Variants in PALLD observed in about 807,000 individuals in gnomAD.
PALLD encodes the protein palladin, cytoskeletal associated protein, also known as palladin.
Under a neutral mutation model 123.5 loss-of-function variants are expected in PALLD, and 61 were observed. The ratio of observed to expected loss-of-function variants is 0.49; its 90% confidence interval spans 0.40 to 0.61. The LOEUF (loss-of-function observed/expected upper bound fraction) is 0.61, where lower values mean the gene tolerates loss of function less well. Ranked by LOEUF, PALLD falls within the 20% of genes least tolerant of loss-of-function variation. The probability of loss-of-function intolerance (pLI) is 0.00; values close to 1 mark genes in which losing one functional copy is unlikely to be tolerated. For synonymous variants in PALLD, 465 were observed against 496.4 expected, an observed-to-expected ratio of 0.94 and a Z score of 0.84; for missense variants, 1,273 against 1,377.0, an observed-to-expected ratio of 0.92 and a Z score of 1.20.
At chr4:168,914,527 A>G (rs746656558) in intron 16 of PALLD, among the ~76,000 whole-genome samples, 1 of 152,256 alleles carries the variant, frequency 6.6e-6, no homozygotes, top group African/African-American at 2.4e-5. Flanking sequence ...TTAAATACTC[A>G]GATATCTGCT....
chr4:168,720,382 T>G (rs1215640811), intron 10 of PALLD, among the ~76,000 whole-genome samples: 1 of 152,228 alleles, frequency 6.6e-6, no homozygotes, highest in Non-Finnish European at 1.5e-5. Flanking sequence ...GTGATTTTCA[T>G]TATCCTCGAA....
intron 2 of PALLD, among the ~76,000 whole-genome samples, chr4:168,632,576 C>T (rs1039549401): frequency 2.2e-4 from 34 of 152,192 alleles, no homozygotes; most frequent in Non-Finnish European, 4.3e-4. Flanking sequence ...TCCCGGTTCT[C>T]CTCTCCCTTT....
intron 2 of PALLD, among the ~76,000 whole-genome samples, chr4:168,636,596 G>A (rs547241750): frequency 6.6e-6 from 1 of 152,152 alleles, no homozygotes; most frequent in Non-Finnish European, 1.5e-5. Context: ...CTCCTCATTT[G>A]CAAAAATGAG....
rs896954496 is a variant in PALLD at position 168,612,606 on chromosome 4, C to T, written c.909-55584C>T. On this transcript the variant is annotated intron_variant, in intron 2 of 21. Coordinates refer to ENST00000505667, the MANE Select transcript of PALLD (RefSeq NM_001166108.2). ...GTCGAAAATCTGGGACATTTGCCCC[C>T]AAACGTAAGGTGAATTAAACCAGAC... 2.0e-5 allele frequency among the ~76,000 whole-genome samples: 3 copies of T among 152,096 alleles called. 1 individual carries two copies.
At chr4:168,546,634 C>T (rs1303879153) in intron 2 of PALLD, among the ~76,000 whole-genome samples, 5 of 152,096 alleles carry the variant, frequency 3.3e-5, no homozygotes, top group African/African-American at 4.8e-5. Context: ...CCATAGGTGC[C>T]GAAATGAAAA....
chr4:168,801,337 G>A (rs1171934058), intron 10 of PALLD, among the ~76,000 whole-genome samples: 1 of 152,206 alleles, frequency 6.6e-6, no homozygotes, highest in Non-Finnish European at 1.5e-5. Flanking sequence ...GGAGTGCAGT[G>A]GCACGATCTT....
intron 10 of PALLD, among the ~76,000 whole-genome samples, chr4:168,851,448 A>C (rs537298435): frequency 6.7e-6 from 1 of 148,772 alleles, no homozygotes; most frequent in African/African-American, 2.6e-5. Context: ...GCTCACTGCA[A>C]CCTCTGCCTC....
chr4:168,614,388 C>T (rs1357812658), intron 2 of PALLD, among the ~76,000 whole-genome samples: 1 of 152,184 alleles, frequency 6.6e-6, no homozygotes, highest in Non-Finnish European at 1.5e-5. Flanking sequence ...AGGGAGAGAG[C>T]AGCCACACTG....
At chr4:168,783,651 A>G (rs1341268997) in intron 10 of PALLD, among the ~76,000 whole-genome samples, 1 of 152,226 alleles carries the variant, frequency 6.6e-6, no homozygotes, top group Non-Finnish European at 1.5e-5. Flanking sequence ...TAGGGCTGTC[A>G]TGAAAATTTA....
At chr4:168,609,345 CAAAAAAAAA>C (rs5863949) in intron 2 of PALLD, among the ~76,000 whole-genome samples, 1 of 71,600 alleles carries the variant, frequency 1.4e-5, no homozygotes, top group Non-Finnish European at 2.5e-5. Context: ...AAGCTGTTAC[CAAAAAAAAA>C]AAAAAAAAAA....
intron 2 of PALLD, chr4:168,647,847 C>A (rs1213315135): frequency 1.3e-5 from 2 of 150,784 alleles, no homozygotes; most frequent in African/African-American, 4.9e-5. Context: ...AAAGTCTTGG[C>A]AGTTTTTCAG....
intron 10 of PALLD, among the ~76,000 whole-genome samples, chr4:168,770,927 G>C (rs1036245057): frequency 2.0e-5 from 3 of 152,092 alleles, no homozygotes; most frequent in African/African-American, 7.2e-5. Flanking sequence ...GGGCATGGGA[G>C]CGGGCACTTG....
At chr4:168,545,375 A>G (rs1477100459) in intron 2 of PALLD, among the ~76,000 whole-genome samples, 1 of 152,044 alleles carries the variant, frequency 6.6e-6, no homozygotes, top group African/African-American at 2.4e-5. Context: ...AAAAGTATAA[A>G]AAAATTAGCC....
At chr4:168,719,252 C>CTTT (rs869040811) in intron 10 of PALLD, among the ~76,000 whole-genome samples, 3,287 of 85,502 alleles carry the variant, frequency 0.038, 169 homozygotes, top group Non-Finnish European at 0.047. Context: ...AAGTAATCTT[C>CTTT]TTTTTTTTTT....
intron 10 of PALLD, among the ~76,000 whole-genome samples, chr4:168,856,996 T>G (rs6821196): frequency 0.77 from 116,833 of 152,250 alleles, 46,903 homozygotes; most frequent in East Asian, 1. Flanking sequence ...CATATTTGTT[T>G]TTCTTTCTTT....
chr4:168,663,438 G>C (rs1203911774), intron 2 of PALLD, among the ~76,000 whole-genome samples: 46 of 152,170 alleles, frequency 3.0e-4, no homozygotes, highest in Admixed American at 3.0e-3. Context: ...AAGCACAGGG[G>C]CTGTTTCTGG....
intron 12 of PALLD, among the ~76,000 whole-genome samples, chr4:168,896,151 A>C (rs1755102500): frequency 6.6e-6 from 1 of 151,140 alleles, no homozygotes; most frequent in South Asian, 2.1e-4. Flanking sequence ...CAGAGGTTAC[A>C]GTGAGCCAAG....
chr4:168,723,858 G>C (rs1786271202), intron 10 of PALLD, among the ~76,000 whole-genome samples: 1 of 147,008 alleles, frequency 6.8e-6, no homozygotes, highest in Non-Finnish European at 1.5e-5. Flanking sequence ...CCATTTTGTG[G>C]TTACTAACCT....
chr4:168,668,515 A>T (rs1052240318), intron 3 of PALLD, 147 bp downstream of exon 3: 2 of 588,856 alleles, frequency 3.4e-6, no homozygotes, highest in Non-Finnish European at 5.6e-6. Flanking sequence ...ACCTTTATAA[A>T]TTGAACTGTT....
Sources: gnomAD v4.1 joint callset for allele counts (sites outside exome capture counted in the v4.1 genomes callset) on GRCh38, gnomAD v4.1.1 for gene constraint, MANE v1.5 for transcripts, NCBI Gene and HGNC (gene_info 2026-07-23, HGNC 2026-07-21) for gene names.